Variants in SLC1A2 observed in about 807,000 individuals in gnomAD.
SLC1A2 encodes the protein solute carrier family 1 member 2, also known as excitatory amino acid transporter 2.
A neutral mutation model predicts 48.8 loss-of-function variants in SLC1A2; 15 were observed. The ratio of observed to expected loss-of-function variants is 0.31; its 90% CI spans 0.21 to 0.47. SLC1A2 has a LOEUF of 0.47. SLC1A2 is among the 20% of genes least tolerant of loss of function. The probability of loss-of-function intolerance (pLI) is 0.99; values close to 1 mark genes in which losing one functional copy is unlikely to be tolerated. For synonymous variants in SLC1A2, 279 were observed against 272.6 expected (o/e 1.02, Z -0.23); for missense variants, 502 against 730.5 (o/e 0.69, Z 3.61).
chr11:35,347,935 T>A (rs1853099829), intron 1 of SLC1A2, among the ~76,000 whole-genome samples: 1 of 152,222 alleles, frequency 6.6e-6, no homozygotes, highest in Non-Finnish European at 1.5e-5. Flanking sequence ...AAGCTGGTTG[T>A]TGTGAGCTTC....
At chr11:35,312,568 CCTACTGTAGT>C in intron 3 of SLC1A2, 120 bp from the exon 4 acceptor site, 1 of 1,159,786 alleles carries the variant, frequency 8.6e-7, no homozygotes. Context: ...GATTAAATCT[CCTACTGTAGT>C]CTTCCCTCAA....
At chr11:35,335,937 A>G (rs1466062414) in intron 1 of SLC1A2, among the ~76,000 whole-genome samples, 3 of 152,346 alleles carry the variant, frequency 2.0e-5, no homozygotes, top group African/African-American at 4.8e-5. Context: ...AAGATGCTGA[A>G]AAAAGGTTTC....
intron 1 of SLC1A2, among the ~76,000 whole-genome samples, chr11:35,383,167 G>A (rs912102029): frequency 1.3e-5 from 2 of 152,108 alleles, no homozygotes; most frequent in African/African-American, 4.8e-5. Flanking sequence ...AAAGAATATA[G>A]TGGGGAAACT....
chr11:35,418,914 C>T (rs769599209), intron 1 of SLC1A2, 36 bp downstream of exon 1: 1 of 1,549,322 alleles, frequency 6.5e-7, no homozygotes, highest in South Asian at 1.2e-5. Flanking sequence ...GCGCGTGACC[C>T]CGCTTTCCCG....
At chr11:35,331,984 C>A (rs1333650350) in intron 1 of SLC1A2, among the ~76,000 whole-genome samples, 1 of 152,090 alleles carries the variant, frequency 6.6e-6, no homozygotes, top group Non-Finnish European at 1.5e-5. Flanking sequence ...TAAGGGGACC[C>A]AAGTCTGCAG....
At chr11:35,331,833 C>T (rs1180546984) in intron 1 of SLC1A2, among the ~76,000 whole-genome samples, 1 of 152,188 alleles carries the variant, frequency 6.6e-6, no homozygotes, top group Admixed American at 6.5e-5. Flanking sequence ...CTTAACGTTG[C>T]ACAATTCATC....
At chr11:35,393,378 G>T (rs1203911982) in intron 1 of SLC1A2, among the ~76,000 whole-genome samples, 1 of 152,178 alleles carries the variant, frequency 6.6e-6, no homozygotes, top group Non-Finnish European at 1.5e-5. Context: ...AGACTCTCCT[G>T]ATTTCTAAAG....
At chr11:35,267,675 C>T (rs1031519680) in intron 9 of SLC1A2, among the ~76,000 whole-genome samples, 2 of 152,052 alleles carry the variant, frequency 1.3e-5, no homozygotes, top group Non-Finnish European at 2.9e-5. Flanking sequence ...TTTGGAGCTA[C>T]TCCACTATAC....
intron 1 of SLC1A2, chr11:35,404,208 T>C (rs924909570): frequency 2.0e-5 from 3 of 152,178 alleles, no homozygotes; most frequent in Non-Finnish European, 2.9e-5. Flanking sequence ...GTTTTTTCAA[T>C]CCCTTGAGTG....
rs1950354940 is a variant in SLC1A2 at position 35,259,052 on chromosome 11, C to T, written c.*1842G>A. The T allele has an allele frequency of 6.6e-6, 1 of 152,316 alleles. No individual in the cohort carries two copies. The highest frequency in any genetic ancestry group is 1.5e-5 in the Non-Finnish European group (1 of 68,006). The allele number at this position is 152,316 out of a possible 1,614,324, so 9.4% of individuals were successfully genotyped here. A position where few individuals can be genotyped will look rare whatever the true frequency, so the allele number is the denominator to read the frequency against. On this transcript the variant is annotated 3_prime_UTR_variant, in exon 11 of 11. Transcript: ENST00000278379. ...ATCTACTGGAAATAAAGACCAATGT[C>T]ATTTGAAAAGCAAAAATGAAAAGTT...
chr11:35,261,917 C>A (rs1030699713), intron 10 of SLC1A2: 2 of 392,774 alleles, frequency 5.1e-6, no homozygotes, highest in Non-Finnish European at 9.0e-6. Context: ...AAAATAAAAA[C>A]CATTTATCCA....
chr11:35,304,160 G>C (rs1851434458), intron 5 of SLC1A2, among the ~76,000 whole-genome samples: 2 of 152,058 alleles, frequency 1.3e-5, no homozygotes, highest in Non-Finnish European at 2.9e-5. Context: ...GGCCGCTGGG[G>C]TTACAGAGTA....
chr11:35,396,497 G>A (rs1285285730), intron 1 of SLC1A2, among the ~76,000 whole-genome samples: 4 of 142,198 alleles, frequency 2.8e-5, no homozygotes, highest in Admixed American at 7.1e-5. Flanking sequence ...GTCTGTTCAT[G>A]TCCTTCGCCC....
chr11:35,393,348 C>A (rs925161431), intron 1 of SLC1A2, among the ~76,000 whole-genome samples: 1 of 152,178 alleles, frequency 6.6e-6, no homozygotes, highest in Admixed American at 6.5e-5. Flanking sequence ...CATTTTATTG[C>A]AGCTTGAGCT....
chr11:35,314,526 A>G (rs1387377023), intron 3 of SLC1A2, among the ~76,000 whole-genome samples: 1 of 152,118 alleles, frequency 6.6e-6, no homozygotes, highest in African/African-American at 2.4e-5. Flanking sequence ...CAGCTTGGCC[A>G]ATATGGTGAA....
At chr11:35,336,764 T>G (rs1421872234) in intron 1 of SLC1A2, among the ~76,000 whole-genome samples, 1 of 152,176 alleles carries the variant, frequency 6.6e-6, no homozygotes, top group African/African-American at 2.4e-5. Context: ...TCCTCCAATT[T>G]TATATTTATA....
rs1855710339 is a variant in SLC1A2, at chr11:35,419,293, A to C, written c.-327T>G. ...TGCGCCCAGGGCTGCAGGAGGGCGC[A>C]CGCCGGCGATGCGCCCCTGCAGCCG... On this transcript the variant is annotated 5_prime_UTR_variant, in exon 1 of 11. Transcript: ENST00000278379. This position sits in a 1 kb window ranked among gnomAD's most constrained non-coding sequence, Gnocchi z 5.4. The C allele has an allele frequency of 6.9e-6, 2 of 290,462 alleles. No individual in the cohort carries two copies. The highest frequency in any genetic ancestry group is 1.3e-5 in the Non-Finnish European group (2 of 158,798). The allele number at this position is 290,462 out of a possible 1,614,324, so 18.0% of individuals were successfully genotyped here. A position where few individuals can be genotyped will look rare whatever the true frequency, so the allele number is the denominator to read the frequency against.
At chr11:35,402,123 T>C (rs1855156210) in intron 1 of SLC1A2, among the ~76,000 whole-genome samples, 1 of 152,198 alleles carries the variant, frequency 6.6e-6, no homozygotes, top group Non-Finnish European at 1.5e-5. Flanking sequence ...TTGTCCCAAG[T>C]TGCTGGCACA....
intron 1 of SLC1A2, among the ~76,000 whole-genome samples, chr11:35,326,098 G>T (rs1184819566): frequency 6.6e-6 from 1 of 152,100 alleles, no homozygotes; most frequent in Non-Finnish European, 1.5e-5. Flanking sequence ...ACCAAGGATG[G>T]TGGCCTCAAT....
Sources: allele counts gnomAD v4.1 joint callset (sites outside exome capture counted in the v4.1 genomes callset), GRCh38; gene constraint gnomAD v4.1.1; non-coding constraint Gnocchi (gnomAD v3.1); transcripts MANE v1.5; gene names NCBI Gene and HGNC (gene_info 2026-07-23, HGNC 2026-07-21).